The following RICTOR variants were observed in gnomAD, a reference collection of about 807,000 sequenced individuals.
The protein encoded by RICTOR is rapamycin-insensitive companion of mTOR.
In RICTOR, 49 loss-of-function variants were observed where a neutral mutation model predicts 214.9. That is an observed-to-expected ratio of 0.23 (90% CI 0.18 to 0.29). The LOEUF (loss-of-function observed/expected upper bound fraction) is 0.29, where lower values mean the gene tolerates loss of function less well. Ranked by LOEUF, RICTOR falls within the 10% of genes least tolerant of loss-of-function variation. The probability of loss-of-function intolerance (pLI) is 1.00; values close to 1 mark genes in which losing one functional copy is unlikely to be tolerated. For synonymous variants in RICTOR, 717 were observed against 711.3 expected, an observed-to-expected ratio of 1.01 and a Z score of -0.13; for missense variants, 1,625 against 2,047.0, an observed-to-expected ratio of 0.79 and a Z score of 3.98.
In RICTOR at chr5:38,989,455, T is replaced by C. The variant is rs138278782; in HGVS notation, c.583+1494A>G. Among the ~76,000 whole-genome samples, 614 of 152,276 alleles carry C rather than the reference T, an allele frequency of 4.0e-3. 5 individuals carry two copies. Among genetic ancestry groups the C allele is most frequent in the African/African-American group, 0.014 (586 of 41,558 alleles). The stretch of plus-strand genomic sequence containing the variant: ...GACACATGCATGGGCAAAGACTTCA[T>C]GACTAAAACACCAAAACCAATGGCA... On this transcript the variant is annotated intron_variant, in intron 7 of 37. Coordinates refer to ENST00000357387, the MANE Select transcript of RICTOR (RefSeq NM_152756.5).
At chr5:39,016,522 CTG>C (rs1021784544) in intron 3 of RICTOR, among the ~76,000 whole-genome samples, 15 of 151,730 alleles carry the variant, frequency 9.9e-5, no homozygotes, top group African/African-American at 3.6e-4. Context: ...TAGTGAAATA[CTG>C]TGGGGGAAAT....
chr5:38,949,873 T>G lies in RICTOR; in HGVS notation c.3975A>C (p.Arg1325Ser), dbSNP rs140549164. 3.1e-6 allele frequency: 5 copies of G among 1,613,360 alleles called. No individual in the cohort carries two copies. Among genetic ancestry groups the G allele is most frequent in the Non-Finnish European group, 4.2e-6 (5 of 1,179,566 alleles). The change falls in exon 31 of 38, where the codon AGA (arginine) becomes AGC (serine). Residue 1325 changes from arginine (R) to serine (S), a missense_variant. Arg to Ser is a moderately radical substitution (Grantham distance 110). This residue lies in a region of RICTOR where 1,214 missense variants were observed against 1,470.5 expected (regional missense o/e 0.83). Coordinates refer to ENST00000357387, the MANE Select transcript of RICTOR (RefSeq NM_152756.5). Reference sequence around the variant, plus strand: ...TCAGTGTAGCATAGCCAAAAGCATCTCTAGAACTTGTGTAACTAAAGTTAC... The same window carrying G: ...TCAGTGTAGCATAGCCAAAAGCATCGCTAGAACTTGTGTAACTAAAGTTAC... Reference protein sequence around the residue: ...ADCNFSYTSSRDAFGYATLKR... With the variant: ...ADCNFSYTSSSDAFGYATLKR...
Position 38,943,037 on chromosome 5 carries a change from AT to A in RICTOR, c.4914-67del, listed in dbSNP as rs776062712. 1.1e-4 allele frequency: 128 copies of A among 1,196,462 alleles called. 1 individual carries two copies. Among genetic ancestry groups the A allele is most frequent in the Non-Finnish European group, 1.5e-4 (122 of 817,182 alleles). The allele number at this position is 1,196,462 out of a possible 1,614,324, so 74.1% of individuals were successfully genotyped here. A position where few individuals can be genotyped will look rare whatever the true frequency, so the allele number is the denominator to read the frequency against. ...GATGTATCTATTTTTCCTCCAAGGTATCACTTACTTTAAAAATAGATTTCCC... is the reference window on the plus strand; with the variant it reads ...GATGTATCTATTTTTCCTCCAAGGTACACTTACTTTAAAAATAGATTTCCC... On this transcript the variant is annotated intron_variant, in intron 36 of 37. Coordinates refer to ENST00000357387, the MANE Select transcript of RICTOR (RefSeq NM_152756.5).
At position 38,938,762 on chromosome 5, in the gene RICTOR, A is replaced by T. The variant is rs1579833063; in HGVS notation, c.*3542T>A. On this transcript the variant is annotated 3_prime_UTR_variant, in exon 38 of 38. Transcript: ENST00000357387. ...TTTCACTGGTATGCTTTTAAATGAG[A>T]TTCTCACTGTAATGACACTCTTGAG... 2.6e-5 allele frequency: 6 copies of T among 232,994 alleles called. No individual in the cohort carries two copies. The East Asian group carries it at 3.7e-4, about 14-fold the overall frequency. The allele number at this position is 232,994 out of a possible 1,614,324, so 14.4% of individuals were successfully genotyped here.
intron 3 of RICTOR, among the ~76,000 whole-genome samples, chr5:39,004,618 C>T (rs1753883771): frequency 6.6e-6 from 1 of 151,874 alleles, no homozygotes; most frequent in African/African-American, 2.4e-5. Context: ...TGCCACCACG[C>T]CCAGCTAATT....
At chr5:38,994,963 T>C (rs976746249) in intron 6 of RICTOR, among the ~76,000 whole-genome samples, 3 of 152,182 alleles carry the variant, frequency 2.0e-5, no homozygotes, top group African/African-American at 7.2e-5. Flanking sequence ...TTTGTCCTTT[T>C]TACTCTTATT....
chr5:39,028,841 T>C (rs1187082680), intron 2 of RICTOR, among the ~76,000 whole-genome samples: 1 of 152,164 alleles, frequency 6.6e-6, no homozygotes, highest in Admixed American at 6.5e-5. Context: ...GAGGCTGCAG[T>C]GAGCTACGAA....
intron 6 of RICTOR, among the ~76,000 whole-genome samples, chr5:38,993,812 T>C (rs1018205674): frequency 2.6e-5 from 4 of 151,960 alleles, no homozygotes; most frequent in African/African-American, 9.7e-5. Context: ...AAGTAGAAAA[T>C]TCAGCATCTG....
At chr5:39,046,198 G>A (rs1019634131) in intron 2 of RICTOR, among the ~76,000 whole-genome samples, 4 of 150,244 alleles carry the variant, frequency 2.7e-5, no homozygotes, top group Admixed American at 6.6e-5. Flanking sequence ...AAAAATTAGG[G>A]GAAAAAAAAA....
At chr5:38,983,247 G>A (rs1751872530) in intron 7 of RICTOR, among the ~76,000 whole-genome samples, 1 of 152,040 alleles carries the variant, frequency 6.6e-6, no homozygotes, top group Admixed American at 6.5e-5. Context: ...TATAAAATTT[G>A]TCTTATATAT....
intron 24 of RICTOR, 133 bp downstream of exon 24, chr5:38,958,310 T>C: frequency 4.7e-6 from 3 of 633,210 alleles, no homozygotes; most frequent in Non-Finnish European, 2.8e-6. Context: ...CCCAAAATAA[T>C]GAAAAGACAA....
At chr5:39,022,143 A>C (rs1351878394) in intron 2 of RICTOR, among the ~76,000 whole-genome samples, 1 of 152,190 alleles carries the variant, frequency 6.6e-6, no homozygotes, top group Non-Finnish European at 1.5e-5. Context: ...GGCTAATGTA[A>C]GTGTTCTGAG....
chr5:38,956,147 G>T (rs1579905861), intron 25 of RICTOR, among the ~76,000 whole-genome samples: 2 of 152,084 alleles, frequency 1.3e-5, no homozygotes, highest in Middle Eastern at 3.4e-3. Context: ...CCCAGAAAAT[G>T]CGTCCTCATC....
At chr5:38,977,271 C>T (rs1392408094) in intron 9 of RICTOR, among the ~76,000 whole-genome samples, 1 of 152,208 alleles carries the variant, frequency 6.6e-6, no homozygotes, top group East Asian at 1.9e-4. Context: ...TCACCAGAGC[C>T]TCCAGGCAAG....
chr5:38,990,770 A>ATC (rs1274078735), intron 7 of RICTOR, among the ~76,000 whole-genome samples, 179 bp downstream of exon 7: 21 of 118,916 alleles, frequency 1.8e-4, no homozygotes, highest in South Asian at 5.3e-4. Context: ...TATGAGATAT[A>ATC]TGATATATAT....
intron 5 of RICTOR, among the ~76,000 whole-genome samples, chr5:38,998,176 A>G (rs1391888736): frequency 6.6e-6 from 1 of 152,260 alleles, no homozygotes; most frequent in Non-Finnish European, 1.5e-5. Flanking sequence ...GAATCAGTGT[A>G]ATAAACCAAC....
intron 6 of RICTOR, 93 bp from the exon 7 acceptor site, chr5:38,991,168 G>C: frequency 2.9e-6 from 2 of 691,534 alleles, no homozygotes; most frequent in South Asian, 5.3e-5. Context: ...AACAGAATAA[G>C]ATCCAGAATA....
At chr5:38,951,407 A>G (rs1172211102) in intron 30 of RICTOR, among the ~76,000 whole-genome samples, 1 of 152,032 alleles carries the variant, frequency 6.6e-6, no homozygotes, top group East Asian at 1.9e-4. Flanking sequence ...TGCATACTGC[A>G]TTACCATTTC....
At chr5:39,002,479 T>A (rs1170453212) in intron 5 of RICTOR, 56 bp downstream of exon 5, 13 of 1,182,378 alleles carry the variant, frequency 1.1e-5, no homozygotes, top group Middle Eastern at 2.1e-4. Flanking sequence ...ATGGCAGGCA[T>A]GCTAAAAACT....
Sources: allele counts gnomAD v4.1 joint callset (sites outside exome capture counted in the v4.1 genomes callset), GRCh38; gene constraint gnomAD v4.1.1; regional missense constraint gnomAD v4.1.1; transcripts MANE v1.5; gene names NCBI Gene and HGNC (gene_info 2026-07-23, HGNC 2026-07-21).